Variants in SH3RF3 observed in about 807,000 individuals in gnomAD.
The protein encoded by SH3RF3 is SH3 domain containing ring finger 3, also known as E3 ubiquitin-protein ligase SH3RF3.
SH3RF3 carries 29 observed loss-of-function variants against 66.3 expected under a neutral mutation model. The ratio of observed to expected loss-of-function variants is 0.44; its 90% CI spans 0.33 to 0.60. The LOEUF (loss-of-function observed/expected upper bound fraction) is 0.60. Among genes scored for constraint, SH3RF3 ranks in the 20% least tolerant of loss-of-function variants. The probability of loss-of-function intolerance (pLI) is 0.04; values close to 1 mark genes in which losing one functional copy is unlikely to be tolerated. For missense variants in SH3RF3, 1,194 were observed against 1,190.9 expected (o/e 1.00, Z -0.04); for synonymous variants, 583 against 532.0 (o/e 1.10, Z -1.32).
intron 9 of SH3RF3, among the ~76,000 whole-genome samples, chr2:109,495,771 G>A (rs36142746): frequency 3.3e-4 from 50 of 152,200 alleles, no homozygotes; most frequent in Non-Finnish European, 5.0e-4. Flanking sequence ...GGCGTGAGGC[G>A]TGAGCCACTG....
chr2:109,455,260 G>C (rs568078069), intron 8 of SH3RF3, among the ~76,000 whole-genome samples: 95 of 152,242 alleles, frequency 6.2e-4, no homozygotes, highest in African/African-American at 2.1e-3. Context: ...GCTGGCCTTG[G>C]GGGGAGAAAG....
At chr2:109,259,530 T>A (rs1178158646) in intron 1 of SH3RF3, among the ~76,000 whole-genome samples, 1 of 152,220 alleles carries the variant, frequency 6.6e-6, no homozygotes, top group Non-Finnish European at 1.5e-5. Context: ...CCGGGGCCCT[T>A]CATGCCTTAA....
chr2:109,312,833 T>G (rs1681762628), intron 1 of SH3RF3, among the ~76,000 whole-genome samples: 5 of 152,240 alleles, frequency 3.3e-5, no homozygotes, highest in African/African-American at 1.2e-4. Context: ...CACTTAACAT[T>G]TGGGTACAAA....
At chr2:109,305,733 G>A (rs560201250) in intron 1 of SH3RF3, among the ~76,000 whole-genome samples, 53 of 152,342 alleles carry the variant, frequency 3.5e-4, no homozygotes, top group Non-Finnish European at 6.6e-4. Context: ...GCGGGAGGAC[G>A]CACATTCCAG....
At chr2:109,235,666 G>A (rs568819317) in intron 1 of SH3RF3, among the ~76,000 whole-genome samples, 88 of 152,306 alleles carry the variant, frequency 5.8e-4, no homozygotes, top group African/African-American at 2.0e-3. Flanking sequence ...AGGGAGAGAG[G>A]GAGAGTGTAC....
At chr2:109,241,710 C>T (rs532881447) in intron 1 of SH3RF3, among the ~76,000 whole-genome samples, 3 of 152,028 alleles carry the variant, frequency 2.0e-5, no homozygotes, top group Non-Finnish European at 4.4e-5. Flanking sequence ...TCTTCTCTGG[C>T]TTCTGTATCT....
intron 1 of SH3RF3, among the ~76,000 whole-genome samples, chr2:109,196,067 A>G (rs1678492489): frequency 1.3e-5 from 2 of 152,244 alleles, no homozygotes. Context: ...GAAGGGCTCC[A>G]GAGGGAACGC....
At chr2:109,393,155 A>G (rs1292664453) in intron 3 of SH3RF3, among the ~76,000 whole-genome samples, 1 of 152,210 alleles carries the variant, frequency 6.6e-6, no homozygotes, top group East Asian at 1.9e-4. Flanking sequence ...GAGTTTTTGA[A>G]GCTTTAAGGC....
chr2:109,277,612 G>A (rs1680786123), intron 1 of SH3RF3, among the ~76,000 whole-genome samples: 1 of 152,148 alleles, frequency 6.6e-6, no homozygotes, highest in Admixed American at 6.5e-5. Flanking sequence ...CTCCGCGTGC[G>A]TAGCTCAGAA....
intron 1 of SH3RF3, among the ~76,000 whole-genome samples, chr2:109,150,881 A>G (rs934588591): frequency 3.3e-5 from 5 of 152,344 alleles, no homozygotes; most frequent in East Asian, 1.9e-4. Flanking sequence ...ATATGGGCAT[A>G]TAAGTCAGTG....
chr2:109,417,984 G>C (rs542318340), intron 4 of SH3RF3, among the ~76,000 whole-genome samples: 1 of 152,128 alleles, frequency 6.6e-6, no homozygotes, highest in African/African-American at 2.4e-5. Flanking sequence ...CACCTACCTG[G>C]GGCAACTTCC....
intron 1 of SH3RF3, among the ~76,000 whole-genome samples, chr2:109,161,197 C>T (rs1677479282): frequency 6.6e-6 from 1 of 152,112 alleles, no homozygotes; most frequent in Admixed American, 6.5e-5. Flanking sequence ...ATAGTTAAAT[C>T]CTGGGGGCAG....
At chr2:109,356,993 G>T (rs899357014) in intron 2 of SH3RF3, among the ~76,000 whole-genome samples, 3 of 152,122 alleles carry the variant, frequency 2.0e-5, no homozygotes, top group Non-Finnish European at 4.4e-5. Flanking sequence ...AGACATGCTA[G>T]CACTGAATGC....
chr2:109,271,740 C>T (rs531558683), intron 1 of SH3RF3, among the ~76,000 whole-genome samples: 20 of 152,340 alleles, frequency 1.3e-4, no homozygotes, highest in African/African-American at 4.6e-4. Flanking sequence ...CACAGAAAGT[C>T]GTGTGTCCTC....
rs192065534 is a variant in SH3RF3, at chr2:109,194,310, C to G, written c.573+64197C>G. Among the ~76,000 whole-genome samples the G allele has an allele frequency of 2.2e-3, 333 of 152,346 alleles. 1 individual carries two copies. The highest frequency in any genetic ancestry group is 7.4e-3 in the African/African-American group (309 of 41,582). On this transcript the variant is annotated intron_variant, in intron 1 of 9. Coordinates refer to ENST00000309415, the MANE Select transcript of SH3RF3 (RefSeq NM_001099289.3). ...GTGTTTCTTACCTGCAGGGGACTTT[C>G]GAAAGCTTGGGCTGCGGTGTCCCCA...
At chr2:109,495,027 G>A (rs1679223024) in intron 9 of SH3RF3, among the ~76,000 whole-genome samples, 1 of 152,198 alleles carries the variant, frequency 6.6e-6, no homozygotes, top group African/African-American at 2.4e-5. Context: ...GCAGGCAGCA[G>A]GCCAGTCTCG....
At chr2:109,415,828 C>T (rs963017827) in intron 4 of SH3RF3, among the ~76,000 whole-genome samples, 1 of 152,220 alleles carries the variant, frequency 6.6e-6, no homozygotes, top group Non-Finnish European at 1.5e-5. Flanking sequence ...TGAATGTCCC[C>T]TCTGAAATTC....
Position 109,268,795 on chromosome 2 carries a change from C to T in SH3RF3, c.574-78879C>T, listed in dbSNP as rs145325233. Among the ~76,000 whole-genome samples, 357 of 151,626 alleles carry T rather than the reference C, an allele frequency of 2.4e-3. 1 individual carries two copies. Among genetic ancestry groups the T allele is most frequent in the African/African-American group, 8.2e-3 (338 of 41,342 alleles). On this transcript the variant is annotated intron_variant, in intron 1 of 9. Transcript: ENST00000309415. ...ATGTCGCCTACTATAGGCTAATGTG[C>T]GTGTTCTGAGCATGTTTAAGGTGAG...
At chr2:109,154,873 G>A (rs1281224594) in intron 1 of SH3RF3, among the ~76,000 whole-genome samples, 2 of 152,188 alleles carry the variant, frequency 1.3e-5, no homozygotes, top group Non-Finnish European at 2.9e-5. Context: ...GAAATTCTTC[G>A]GGAGCAGAGC....
Sources: gnomAD v4.1 joint callset for allele counts (sites outside exome capture counted in the v4.1 genomes callset) on GRCh38, gnomAD v4.1.1 for gene constraint, MANE v1.5 for transcripts, NCBI Gene and HGNC (gene_info 2026-07-23, HGNC 2026-07-21) for gene names.